KLC1: variants seen among roughly 807,000 people sequenced by gnomAD.
KLC1 encodes the protein kinesin light chain 1.
Under a neutral mutation model 84.2 loss-of-function variants are expected in KLC1, and 30 were observed. The ratio of observed to expected loss-of-function variants is 0.36; its 90% CI spans 0.27 to 0.48. KLC1 has a LOEUF of 0.48. Among genes scored for constraint, KLC1 ranks in the 20% least tolerant of loss-of-function variants. The pLI, the probability that KLC1 is intolerant of heterozygous loss-of-function variation, is 0.99. For missense variants in KLC1, 499 were observed against 805.4 expected, an observed-to-expected ratio of 0.62 and a Z score of 4.60; for synonymous variants, 289 against 293.3, an observed-to-expected ratio of 0.99 and a Z score of 0.15.
chr14:103,646,288 A>G (rs1399618342), intron 1 of KLC1, among the ~76,000 whole-genome samples: 1 of 152,162 alleles, frequency 6.6e-6, no homozygotes, highest in East Asian at 1.9e-4. Context: ...TTAAAAGGAC[A>G]GTTTTAGTGT....
At chr14:103,660,342 A>G (rs1478337892) in intron 3 of KLC1, among the ~76,000 whole-genome samples, 1 of 151,992 alleles carries the variant, frequency 6.6e-6, no homozygotes, top group Non-Finnish European at 1.5e-5. Flanking sequence ...TTAGCCAAGC[A>G]TGGTGGCACA....
chr14:103,659,492 C>A (rs1210688967), intron 3 of KLC1, among the ~76,000 whole-genome samples: 2 of 152,192 alleles, frequency 1.3e-5, no homozygotes, highest in Admixed American at 6.5e-5. Context: ...AACATCAACA[C>A]TTTACTGTTA....
chr14:103,695,218 C>CT, intron 15 of KLC1: 1 of 773,782 alleles, frequency 1.3e-6, no homozygotes, highest in Non-Finnish European at 1.6e-6. Flanking sequence ...AATCTTAGCA[C>CT]TTTGGGAGGC....
At chr14:103,700,427 A>G (rs981818573) in intron 15 of KLC1, 6 of 468,906 alleles carry the variant, frequency 1.3e-5, no homozygotes, top group African/African-American at 6.2e-5. Flanking sequence ...TTGGTGAGCC[A>G]TGGTGATGGG....
At chr14:103,651,080 G>T (rs771958928) in intron 1 of KLC1, among the ~76,000 whole-genome samples, 2 of 151,966 alleles carry the variant, frequency 1.3e-5, no homozygotes, top group Non-Finnish European at 2.9e-5. Flanking sequence ...TGAGATCTCC[G>T]CTCACTGCAA....
Position 103,693,578 on chromosome 14 carries a change from C to A in KLC1, c.1848+1153C>A. ...GAACGAAATAATTGTCTGGCCGACT[C>A]GCGAGCTCTGAGTGCCAGCCACACT... is the stretch of plus-strand genomic sequence containing the variant. On this transcript the variant is annotated intron_variant, in intron 15 of 16. Coordinates refer to ENST00000334553, the MANE Select transcript of KLC1 (RefSeq NM_001394837.1). This position sits in a 1 kb window ranked among gnomAD's most constrained non-coding sequence, Gnocchi z 5.1. 6.5e-7 allele frequency: 1 copy of A among 1,536,120 alleles called. No individual in the cohort carries two copies. Among genetic ancestry groups the A allele is most frequent in the Non-Finnish European group, 8.7e-7 (1 of 1,146,900 alleles).
intron 15 of KLC1, chr14:103,696,589 CTGAA>C: frequency 1.0e-6 from 1 of 985,490 alleles, no homozygotes; most frequent in Non-Finnish European, 1.2e-6. Flanking sequence ...GGTCAGATTT[CTGAA>C]TGCTGTAGAG....
chr14:103,658,751 G>A (rs1197699871), intron 3 of KLC1, among the ~76,000 whole-genome samples: 23 of 143,484 alleles, frequency 1.6e-4, no homozygotes, highest in African/African-American at 6.0e-4. Context: ...TCCACCTCCC[G>A]GGCTCCAGCG....
chr14:103,675,617 T>G lies in KLC1; in HGVS notation c.1311+16T>G. 6.2e-7 allele frequency: 1 copy of G among 1,610,114 alleles called. No individual in the cohort carries two copies. The highest frequency in any genetic ancestry group is 8.5e-7 in the Non-Finnish European group (1 of 1,176,656). On this transcript the variant is annotated intron_variant, in intron 10 of 16. Coordinates refer to ENST00000334553, the MANE Select transcript of KLC1 (RefSeq NM_001394837.1). ...AGAATGCAAAGTAAGAATTTATTAT[T>G]TTGAGATTTTCTAAATTGTATATAC...
chr14:103,670,199 T>C lies in KLC1; in HGVS notation c.903T>C (p.Asn301=). 1 of 1,612,614 alleles carries C rather than the reference T, an allele frequency of 6.2e-7. No individual in the cohort carries two copies. The highest frequency in any genetic ancestry group is 8.5e-7 in the Non-Finnish European group (1 of 1,178,990). Residue 301 remains asparagine (N), a synonymous_variant, in exon 7 of 17, where the codon AAT becomes AAC. Coordinates refer to ENST00000334553, the MANE Select transcript of KLC1 (RefSeq NM_001394837.1). The part of the protein sequence containing the change: ...KDHPAVAATL[N]NLAVLYGKRG... ...GTTGACAGGTGGCGGCGACTTTGAA[T>C]AACCTTGCAGTCCTTTATGGTAAAA...
At chr14:103,699,957 C>G (rs1170818796) in intron 15 of KLC1, 2 of 333,802 alleles carry the variant, frequency 6.0e-6, no homozygotes, top group Non-Finnish European at 1.2e-5. Context: ...TCAGCAGCAA[C>G]CAGCCCCCTC....
At position 103,640,023 on chromosome 14, in the gene KLC1, G is replaced by C. The variant is rs531809952; in HGVS notation, c.-2+10529G>C. On this transcript the variant is annotated intron_variant, in intron 1 of 16. Coordinates refer to ENST00000334553, the MANE Select transcript of KLC1 (RefSeq NM_001394837.1). Reference sequence around the variant, plus strand: ...ACCCGCCTTGGCCTCCCAAAGTGCTGGGATTACAGGCGTGAGCCACTGAGT... The same window carrying C: ...ACCCGCCTTGGCCTCCCAAAGTGCTCGGATTACAGGCGTGAGCCACTGAGT... 1.2e-4 allele frequency among the ~76,000 whole-genome samples: 18 copies of C among 152,302 alleles called. No individual in the cohort carries two copies. The East Asian group carries it at 3.5e-3, about 29-fold the overall frequency.
At chr14:103,654,180 A>G (rs1374200963) in intron 1 of KLC1, among the ~76,000 whole-genome samples, 1 of 152,162 alleles carries the variant, frequency 6.6e-6, no homozygotes, top group East Asian at 1.9e-4. Flanking sequence ...GTCCAGTTAA[A>G]CATTTTACCA....
chr14:103,699,210 C>T (rs376400797), intron 15 of KLC1: 31 of 1,549,526 alleles, frequency 2.0e-5, no homozygotes, highest in African/African-American at 9.5e-5. Context: ...TCAGCTGCAA[C>T]GGCTGAGGGT....
In KLC1 at chr14:103,694,280, C is replaced by CT. The variant is rs1178657789; in HGVS notation, c.1848+1856dup. 8.5e-6 allele frequency: 8 copies of CT among 941,000 alleles called. No individual in the cohort carries two copies. Among genetic ancestry groups the CT allele is most frequent in the Middle Eastern group, 5.5e-4 (1 of 1,834 alleles). 58.3% of individuals were successfully genotyped at this position (941,000 alleles called of 1,614,324 possible). On this transcript the variant is annotated intron_variant, in intron 15 of 16. Coordinates refer to ENST00000334553, the MANE Select transcript of KLC1 (RefSeq NM_001394837.1). The surrounding 1 kb of genome is among the most constrained non-coding windows in gnomAD (Gnocchi z 4.5). ...TTTTTTTTTTTTTTTGAGACGGAGTCTAACTCTGTTGCCCAGGCTGGAGCG... is the reference window on the plus strand; with the variant it reads ...TTTTTTTTTTTTTTTGAGACGGAGTCTTAACTCTGTTGCCCAGGCTGGAGCG...
In KLC1 at chr14:103,694,994, C is replaced by T. The variant is rs996333868; in HGVS notation, c.1848+2569C>T. 5.2e-5 allele frequency: 51 copies of T among 985,384 alleles called. No homozygotes were observed. The highest frequency in any genetic ancestry group is 1.1e-4 in the East Asian group (1 of 8,808). 61.0% of individuals were successfully genotyped at this position (985,384 alleles called of 1,614,324 possible). The stretch of plus-strand genomic sequence containing the variant: ...TGCCCTGTGGAGCCAGCGTTGTCCC[C>T]GAGCTGCTCGCCTGTGGCCGTGGCT... On this transcript the variant is annotated intron_variant, in intron 15 of 16. Coordinates refer to ENST00000334553, the MANE Select transcript of KLC1 (RefSeq NM_001394837.1). This position sits in a 1 kb window ranked among gnomAD's most constrained non-coding sequence, Gnocchi z 4.5.
intron 13 of KLC1, chr14:103,683,055 T>C (rs1358089399): frequency 6.6e-6 from 1 of 152,220 alleles, no homozygotes; most frequent in Non-Finnish European, 1.5e-5. Flanking sequence ...ACACCAGATA[T>C]TCGGCTCAGT....
At chr14:103,698,979 G>A (rs954682373) in intron 15 of KLC1, 2 of 1,598,470 alleles carry the variant, frequency 1.3e-6, no homozygotes, top group African/African-American at 2.7e-5. Flanking sequence ...GTTAGCCCAG[G>A]TTATGCCAAG....
At chr14:103,667,612 A>G (rs2079980699) in intron 5 of KLC1, among the ~76,000 whole-genome samples, 1 of 152,238 alleles carries the variant, frequency 6.6e-6, no homozygotes, top group African/African-American at 2.4e-5. Context: ...CTAGGATTGC[A>G]GGTGTGAGCC....
Sources: allele counts gnomAD v4.1 joint callset (sites outside exome capture counted in the v4.1 genomes callset), GRCh38; gene constraint gnomAD v4.1.1; non-coding constraint Gnocchi (gnomAD v3.1); transcripts MANE v1.5; gene names NCBI Gene and HGNC (gene_info 2026-07-23, HGNC 2026-07-21).